Variants in ZNF385B observed in about 807,000 individuals in gnomAD.
ZNF385B encodes zinc finger protein 385B, also known as zinc finger protein 533.
A neutral mutation model predicts 39.2 loss-of-function variants in ZNF385B; 23 were observed. The observed-to-expected ratio is 0.59, with a 90% CI of 0.42 to 0.83. The LOEUF is 0.83. ZNF385B is among the 40% of genes least tolerant of loss of function. ZNF385B has a pLI of 0.00. For synonymous variants in ZNF385B, 205 were observed against 222.6 expected (o/e 0.92, Z 0.70); for missense variants, 552 against 598.9 (o/e 0.92, Z 0.82).
intron 3 of ZNF385B, among the ~76,000 whole-genome samples, chr2:179,545,864 C>G (rs1340613925): frequency 6.6e-6 from 1 of 152,026 alleles, no homozygotes; most frequent in African/African-American, 2.4e-5. Flanking sequence ...AAGTATCCAT[C>G]CCCTCAAGCA....
At chr2:179,790,006 A>T (rs999080543) in intron 1 of ZNF385B, among the ~76,000 whole-genome samples, 1 of 152,198 alleles carries the variant, frequency 6.6e-6, no homozygotes, top group African/African-American at 2.4e-5. Flanking sequence ...CTTTGAAATC[A>T]TTCCTTGATG....
At chr2:179,668,622 CTTTT>C (rs34563220) in intron 3 of ZNF385B, among the ~76,000 whole-genome samples, 9 of 142,274 alleles carry the variant, frequency 6.3e-5, no homozygotes, top group Non-Finnish European at 7.6e-5. Flanking sequence ...CAACACCTTT[CTTTT>C]TTTTTTTTTT....
chr2:179,579,212 T>G (rs1166658023), intron 3 of ZNF385B, among the ~76,000 whole-genome samples: 1 of 152,100 alleles, frequency 6.6e-6, no homozygotes, highest in Non-Finnish European at 1.5e-5. Flanking sequence ...ACTGAAAATT[T>G]TATTAATTAG....
intron 3 of ZNF385B, among the ~76,000 whole-genome samples, chr2:179,623,474 CT>C (rs1283641917): frequency 6.6e-6 from 1 of 152,136 alleles, no homozygotes; most frequent in African/African-American, 2.4e-5. Flanking sequence ...TTTTATCCCC[CT>C]TCCCTGATCC....
chr2:179,814,658 A>G, intron 1 of ZNF385B: 2 of 410,506 alleles, frequency 4.9e-6, no homozygotes, highest in Admixed American at 3.1e-5. Flanking sequence ...AAACTACTCC[A>G]CCAAGTCCAG....
intron 1 of ZNF385B, among the ~76,000 whole-genome samples, chr2:179,835,247 G>T (rs530863177): frequency 4.7e-4 from 72 of 152,310 alleles, no homozygotes; most frequent in South Asian, 3.1e-3. Context: ...TATACAGAAA[G>T]AAAAGAGATA....
chr2:179,589,074 G>C (rs1687340397), intron 3 of ZNF385B, among the ~76,000 whole-genome samples: 2 of 152,016 alleles, frequency 1.3e-5, no homozygotes, highest in South Asian at 4.2e-4. Context: ...TGAGTTAACT[G>C]GTACCCCATA....
At chr2:179,822,420 A>C (rs761853057) in intron 1 of ZNF385B, among the ~76,000 whole-genome samples, 1 of 152,254 alleles carries the variant, frequency 6.6e-6, no homozygotes, top group Non-Finnish European at 1.5e-5. Context: ...TAATGATGGT[A>C]ATAATGATGA....
intron 3 of ZNF385B, among the ~76,000 whole-genome samples, chr2:179,633,311 A>G (rs1381317946): frequency 6.6e-6 from 1 of 152,214 alleles, no homozygotes; most frequent in Non-Finnish European, 1.5e-5. Flanking sequence ...TCAATAAGAT[A>G]CTGGCAAACT....
At chr2:179,817,044 C>T (rs1707112906) in intron 1 of ZNF385B, among the ~76,000 whole-genome samples, 1 of 152,062 alleles carries the variant, frequency 6.6e-6, no homozygotes, top group Non-Finnish European at 1.5e-5. Context: ...TAGGCATTTT[C>T]AATGTTCTGT....
chr2:179,615,999 A>G (rs1295993544), intron 3 of ZNF385B, among the ~76,000 whole-genome samples: 1 of 152,234 alleles, frequency 6.6e-6, no homozygotes, highest in Non-Finnish European at 1.5e-5. Flanking sequence ...TAAAAGGACG[A>G]TAGCATATAG....
intron 4 of ZNF385B, chr2:179,536,579 G>A (rs1465670353): frequency 6.6e-6 from 1 of 152,136 alleles, no homozygotes; most frequent in Non-Finnish European, 1.5e-5. Context: ...GTCTCAATCT[G>A]ATATTTTTAG....
intron 3 of ZNF385B, among the ~76,000 whole-genome samples, chr2:179,617,962 C>T (rs1212527090): frequency 2.0e-5 from 3 of 152,136 alleles, no homozygotes; most frequent in East Asian, 1.9e-4. Context: ...TCTAATCACA[C>T]GTTTCTCCCG....
At position 179,446,783 on chromosome 2, in the gene ZNF385B, CAGAG is replaced by C. The variant is rs1217919516; in HGVS notation, c.716-17_716-14del. On this transcript the variant is annotated splice_polypyrimidine_tract_variant and intron_variant, in intron 6 of 9. Transcript: ENST00000410066. ...TTCCCTTTATCTTCTAAGAGAAACA[CAGAG>C]AGATCTTATTGAAGCCTCATATATC... 1.3e-6 allele frequency: 2 copies of C among 1,596,620 alleles called. No individual in the cohort carries two copies. The highest frequency in any genetic ancestry group is 1.4e-5 in the African/African-American group (1 of 73,708).
intron 1 of ZNF385B, among the ~76,000 whole-genome samples, chr2:179,817,004 A>G (rs1354361411): frequency 3.3e-5 from 5 of 152,084 alleles, no homozygotes; most frequent in Admixed American, 6.5e-5. Flanking sequence ...TCTTTTACAC[A>G]TTGTGTAAAA....
intron 1 of ZNF385B, among the ~76,000 whole-genome samples, chr2:179,847,332 A>C (rs956342812): frequency 6.6e-6 from 1 of 152,152 alleles, no homozygotes; most frequent in African/African-American, 2.4e-5. Context: ...TTCTCAAGAC[A>C]CCTAATTATT....
In ZNF385B at chr2:179,442,995, A is replaced by AT; in HGVS notation, c.*254dup. Reference sequence around the variant, plus strand: ...GAAATCAAATATCTGAGATACACAAATTGAACGCGGTAGGGTGGGGGAGGA... The same window carrying AT: ...GAAATCAAATATCTGAGATACACAAATTTGAACGCGGTAGGGTGGGGGAGGA... On this transcript the variant is annotated 3_prime_UTR_variant, in exon 10 of 10. Coordinates refer to ENST00000410066, the MANE Select transcript of ZNF385B (RefSeq NM_152520.6). 1 of 569,214 alleles carries AT rather than the reference A, an allele frequency of 1.8e-6. No individual in the cohort carries two copies. The highest frequency in any genetic ancestry group is 3.0e-5 in the East Asian group (1 of 33,098). 35.3% of individuals were successfully genotyped at this position (569,214 alleles called of 1,614,324 possible).
At chr2:179,634,493 C>A (rs1691546919) in intron 3 of ZNF385B, among the ~76,000 whole-genome samples, 1 of 152,124 alleles carries the variant, frequency 6.6e-6, no homozygotes, top group African/African-American at 2.4e-5. Flanking sequence ...CAAATGAAAA[C>A]CACAATGAGA....
chr2:179,443,406 A>G lies in ZNF385B; in HGVS notation c.1305T>C (p.Pro435=), dbSNP rs1234974890. Residue 435 remains proline, a synonymous_variant, in exon 10 of 10, where the codon CCT becomes CCC. Transcript: ENST00000410066. ...AGGACACGGCTGCCGCCGCTGCGAGAGGTGAGGACAGGAAGGCTGGGGCCA... is the reference window on the plus strand; with the variant it reads ...AGGACACGGCTGCCGCCGCTGCGAGGGGTGAGGACAGGAAGGCTGGGGCCA... ...KPLAPAFLSS[P]LAAAAAVSSA... The G allele has an allele frequency of 6.8e-6, 11 of 1,611,546 alleles. No homozygotes were observed. Among genetic ancestry groups the G allele is most frequent in the Non-Finnish European group, 9.3e-6 (11 of 1,179,216 alleles).
Sources: allele counts gnomAD v4.1 joint callset (sites outside exome capture counted in the v4.1 genomes callset), GRCh38; gene constraint gnomAD v4.1.1; transcripts MANE v1.5; gene names NCBI Gene and HGNC (gene_info 2026-07-23, HGNC 2026-07-21).